BRMS1L: variants seen among roughly 807,000 people sequenced by gnomAD.
BRMS1L encodes breast cancer metastasis-suppressor 1-like protein.
In BRMS1L, 23 loss-of-function variants were observed where a neutral mutation model predicts 50.3. The observed-to-expected ratio is 0.46, with a 90% confidence interval of 0.33 to 0.65. The LOEUF is 0.65. Among genes scored for constraint, BRMS1L ranks in the 30% least tolerant of loss-of-function variants. BRMS1L has a pLI of 0.02. For synonymous variants in BRMS1L, 114 were observed against 126.9 expected, an observed-to-expected ratio of 0.90 and a Z score of 0.69; for missense variants, 286 against 386.1, an observed-to-expected ratio of 0.74 and a Z score of 2.17.
chr14:35,870,455 A>G lies in BRMS1L; in HGVS notation c.950A>G (p.Lys317Arg). Residue 317 changes from lysine to arginine, a missense_variant, in exon 10 of 10, where the codon AAA (lysine) becomes AGA (arginine). By Grantham distance (26) the Lys-to-Arg change is conservative. Coordinates refer to ENST00000216807, the MANE Select transcript of BRMS1L (RefSeq NM_032352.4). The stretch of plus-strand genomic sequence containing the variant: ...TACATTTCACAGCTACAGAAAGGAA[A>G]ATATTCAATTAAACATTCATAATCA... ...KLYISQLQKG[K>R]YSIKHS is the part of the protein sequence containing the mutation. The G allele has an allele frequency of 1.2e-6, 2 of 1,602,998 alleles. No individual in the cohort carries two copies. Among genetic ancestry groups the G allele is most frequent in the Middle Eastern group, 3.4e-4 (2 of 5,960 alleles).
chr14:35,870,231 T>C, intron 9 of BRMS1L, 129 bp from the exon 10 acceptor site: 1 of 585,464 alleles, frequency 1.7e-6, no homozygotes, highest in Non-Finnish European at 3.1e-6. Context: ...AGCATTCTGG[T>C]AAATGACAAT....
intron 1 of BRMS1L, among the ~76,000 whole-genome samples, chr14:35,827,024 TCA>T (rs2077855610): frequency 6.6e-6 from 1 of 152,166 alleles, no homozygotes; most frequent in African/African-American, 2.4e-5. Flanking sequence ...TTTGCAACCC[TCA>T]CTTCTCAGCG....
intron 1 of BRMS1L, among the ~76,000 whole-genome samples, chr14:35,831,062 T>G (rs2077913896): frequency 6.6e-6 from 1 of 150,588 alleles, no homozygotes; most frequent in Non-Finnish European, 1.5e-5. Flanking sequence ...TGCCTCAGCC[T>G]CCTGGTAGGT....
intron 9 of BRMS1L, among the ~76,000 whole-genome samples, chr14:35,868,624 A>C (rs938004741): frequency 2.6e-5 from 4 of 152,184 alleles, no homozygotes; most frequent in Non-Finnish European, 4.4e-5. Context: ...TCTACAAAAA[A>C]TAAAAAAATT....
At chr14:35,869,701 C>T (rs2018232) in intron 9 of BRMS1L, among the ~76,000 whole-genome samples, 1,637 of 151,946 alleles carry the variant, frequency 0.011, 12 homozygotes, top group Middle Eastern at 0.051. Context: ...CAAAAATTAG[C>T]CAGGCATGGT....
At chr14:35,856,798 A>G (rs373232208) in intron 4 of BRMS1L, among the ~76,000 whole-genome samples, 1 of 152,092 alleles carries the variant, frequency 6.6e-6, no homozygotes, top group Admixed American at 6.6e-5. Context: ...TATATTTAGT[A>G]GATACAGGGT....
At chr14:35,829,433 G>A (rs1425590424) in intron 1 of BRMS1L, among the ~76,000 whole-genome samples, 1 of 152,144 alleles carries the variant, frequency 6.6e-6, no homozygotes, top group Non-Finnish European at 1.5e-5. Flanking sequence ...AATTTTTGAA[G>A]AATGTGATAA....
intron 4 of BRMS1L, among the ~76,000 whole-genome samples, chr14:35,853,806 T>C (rs772982793): frequency 5.3e-5 from 8 of 152,184 alleles, no homozygotes; most frequent in Non-Finnish European, 1.2e-4. Context: ...CTCATAACTT[T>C]TTTGGAGGGG....
At chr14:35,868,069 T>C in intron 9 of BRMS1L, 37 bp downstream of exon 9, 1 of 1,557,548 alleles carries the variant, frequency 6.4e-7, no homozygotes, top group Non-Finnish European at 8.6e-7. Context: ...TTGCTCAGTA[T>C]TGTCATTTAC....
intron 4 of BRMS1L, among the ~76,000 whole-genome samples, chr14:35,841,918 T>A (rs1473298123): frequency 1.3e-5 from 2 of 152,162 alleles, no homozygotes; most frequent in African/African-American, 4.8e-5. Flanking sequence ...TGTTTACCAT[T>A]ATGTAATGCC....
Sources: allele counts gnomAD v4.1 joint callset (sites outside exome capture counted in the v4.1 genomes callset), GRCh38; gene constraint gnomAD v4.1.1; transcripts MANE v1.5; gene names NCBI Gene and HGNC (gene_info 2026-07-23, HGNC 2026-07-21).